The following ATXN7 variants were observed in gnomAD, a reference collection of about 807,000 sequenced individuals.
The protein encoded by ATXN7 is ataxin-7.
In ATXN7, 12 loss-of-function variants were observed where a neutral mutation model predicts 70.5. The ratio of observed to expected loss-of-function variants is 0.17; its 90% CI spans 0.11 to 0.28. The LOEUF is 0.28. Ranked by LOEUF, ATXN7 falls within the 10% of genes least tolerant of loss-of-function variation. The probability of loss-of-function intolerance (pLI) is 1.00; values close to 1 mark genes in which losing one functional copy is unlikely to be tolerated. For missense variants in ATXN7, 1,256 were observed against 1,131.7 expected (o/e 1.11, Z -1.58); for synonymous variants, 498 against 448.7 (o/e 1.11, Z -1.39).
chr3:63,918,858 C>T (rs115316562), intron 4 of ATXN7, among the ~76,000 whole-genome samples: 1,758 of 152,298 alleles, frequency 0.012, 22 homozygotes, highest in Non-Finnish European at 0.018. Context: ...CATTAATGCA[C>T]ATGTAAGGAG....
At chr3:63,922,687 T>A (rs1267300255) in intron 4 of ATXN7, among the ~76,000 whole-genome samples, 1 of 152,124 alleles carries the variant, frequency 6.6e-6, no homozygotes, top group Admixed American at 6.5e-5. Flanking sequence ...TCATGGGGGT[T>A]TTCTGCCTGT....
chr3:63,924,775 G>A (rs2107325033), intron 4 of ATXN7, among the ~76,000 whole-genome samples: 1 of 152,238 alleles, frequency 6.6e-6, no homozygotes, highest in South Asian at 2.1e-4. Flanking sequence ...AGTGGAGAGG[G>A]CAAGTATGGA....
At position 63,990,782 on chromosome 3, in the gene ATXN7, G is replaced by T; in HGVS notation, c.1605G>T (p.Val535=). The part of the protein sequence containing the change: ...GSRQIGRGYY[V]FDSRWNRLRC... ...GGCAGATAGGAAGAGGCTATTACGT[G>T]TTTGACTCCAGGTGGAATCGACTTC... Residue 535 remains valine (V), a synonymous_variant, in exon 11 of 13, where the codon GTG becomes GTT. Transcript: ENST00000674280. 6.2e-7 allele frequency: 1 copy of T among 1,614,198 alleles called. No homozygotes were observed.
intron 4 of ATXN7, among the ~76,000 whole-genome samples, chr3:63,925,978 G>A (rs1413416864): frequency 1.3e-5 from 2 of 152,160 alleles, no homozygotes; most frequent in Non-Finnish European, 2.9e-5. Context: ...ATTGGTGGTA[G>A]CTAAAGTTAA....
Position 63,964,737 on chromosome 3 carries a change from A to G in ATXN7, c.499+12254A>G, listed in dbSNP as rs1323220863. ...ATGAGCTCTGGATAATAACATAGCA[A>G]CATTTCTAGGTGAAGCTAATCTGAT... On this transcript the variant is annotated intron_variant, in intron 5 of 12. Transcript: ENST00000674280. 3.9e-5 allele frequency among the ~76,000 whole-genome samples: 6 copies of G among 152,298 alleles called. No individual in the cohort carries two copies. The East Asian group carries it at 1.2e-3, about 29-fold the overall frequency.
intron 4 of ATXN7, among the ~76,000 whole-genome samples, chr3:63,935,954 C>T (rs1424919539): frequency 2.0e-5 from 3 of 152,144 alleles, no homozygotes; most frequent in Non-Finnish European, 2.9e-5. Flanking sequence ...GCAAATTGTA[C>T]TATATGCTGT....
intron 9 of ATXN7, 92 bp downstream of exon 9, chr3:63,988,416 A>G: frequency 6.7e-7 from 1 of 1,500,504 alleles, no homozygotes; most frequent in Non-Finnish European, 9.1e-7. Context: ...GTTGAGAAAC[A>G]TATCTCAGGC....
chr3:63,878,958 G>T (rs964163825), intron 1 of ATXN7, among the ~76,000 whole-genome samples: 11 of 152,192 alleles, frequency 7.2e-5, no homozygotes, highest in African/African-American at 2.4e-4. Context: ...TGGCCAGCAG[G>T]TGAATCTATG....
intron 1 of ATXN7, among the ~76,000 whole-genome samples, chr3:63,897,989 G>A (rs1465026979): frequency 6.6e-6 from 1 of 152,114 alleles, no homozygotes; most frequent in Non-Finnish European, 1.5e-5. Flanking sequence ...GATAAAGAAC[G>A]ACAGCTTGAG....
In ATXN7 at chr3:63,995,647, A is replaced by T. The variant is rs2075745200; in HGVS notation, c.1825A>T (p.Thr609Ser). The part of the protein sequence containing the change: ...VSTSPVLLSS[T>S]CISPNSKSVP... Reference sequence around the variant, plus strand: ...TACATCCCCAGTCCTGCTCTCATCTACCTGCATCTCCCCAAATAGCAAATC... The same window carrying T: ...TACATCCCCAGTCCTGCTCTCATCTTCCTGCATCTCCCCAAATAGCAAATC... The change falls in exon 12 of 13, where the codon ACC becomes TCC. Residue 609 changes from threonine to serine, a missense_variant. Thr to Ser is a moderately conservative substitution (Grantham distance 58). Transcript: ENST00000674280. 1 of 1,614,018 alleles carries T rather than the reference A, an allele frequency of 6.2e-7. No homozygotes were observed. The highest frequency in any genetic ancestry group is 1.3e-5 in the African/African-American group (1 of 74,892).
At position 63,993,742 on chromosome 3, in the gene ATXN7, C is replaced by T. The variant is rs528301034; in HGVS notation, c.1683-1763C>T. On this transcript the variant is annotated intron_variant, in intron 11 of 12. Coordinates refer to ENST00000674280, the MANE Select transcript of ATXN7 (RefSeq NM_001377405.1). Reference sequence around the variant, plus strand: ...CCCTGCTCTAGAAGGCTTTTCCTTTCCTCGAGATTTGGTTCCAGGCAGCCT... The same window carrying T: ...CCCTGCTCTAGAAGGCTTTTCCTTTTCTCGAGATTTGGTTCCAGGCAGCCT... 2.2e-4 allele frequency among the ~76,000 whole-genome samples: 34 copies of T among 152,310 alleles called. No homozygotes were observed. The East Asian group carries it at 5.2e-3, about 23-fold the overall frequency.
chr3:63,953,195 C>T (rs984695002), intron 5 of ATXN7, among the ~76,000 whole-genome samples: 1 of 152,076 alleles, frequency 6.6e-6, no homozygotes, highest in Non-Finnish European at 1.5e-5. Flanking sequence ...ACTACAAATG[C>T]AAGCTTGCAA....
intron 1 of ATXN7, among the ~76,000 whole-genome samples, chr3:63,887,814 C>A (rs991196294): frequency 1.3e-5 from 2 of 151,398 alleles, no homozygotes; most frequent in Non-Finnish European, 1.5e-5. Flanking sequence ...CTCAAACGAT[C>A]CACCTGCCTC....
At chr3:63,948,326 G>C (rs980129234) in intron 4 of ATXN7, among the ~76,000 whole-genome samples, 1 of 152,184 alleles carries the variant, frequency 6.6e-6, no homozygotes, top group African/African-American at 2.4e-5. Context: ...CCAAAATGGG[G>C]AAGGTTGTTG....
intron 8 of ATXN7, among the ~76,000 whole-genome samples, chr3:63,985,644 C>T (rs2075565421): frequency 6.6e-6 from 1 of 152,184 alleles, no homozygotes; most frequent in Non-Finnish European, 1.5e-5. Context: ...GGATTTGCTG[C>T]TGTTCATTCC....
rs140769669 is a variant in ATXN7, at chr3:63,896,539, G to A, written c.-110-1860G>A. Among the ~76,000 whole-genome samples, 600 of 152,286 alleles carry A rather than the reference G, an allele frequency of 3.9e-3. 2 individuals carry two copies. The highest frequency in any genetic ancestry group is 0.014 in the African/African-American group (583 of 41,562). On this transcript the variant is annotated intron_variant, in intron 1 of 12. Transcript: ENST00000674280. ...CCACTTGTTGGCTAGGTAATCTTGA[G>A]CAAATTATGACCTTCCTCAATCTGT...
chr3:63,958,754 G>T (rs1267684416), intron 5 of ATXN7, among the ~76,000 whole-genome samples: 1 of 152,084 alleles, frequency 6.6e-6, no homozygotes, highest in East Asian at 1.9e-4. Flanking sequence ...ATTTTTGCAT[G>T]TATTATCTTA....
chr3:63,985,494 T>G (rs1424428338), intron 8 of ATXN7, among the ~76,000 whole-genome samples: 2 of 152,232 alleles, frequency 1.3e-5, no homozygotes, highest in Non-Finnish European at 2.9e-5. Flanking sequence ...TCCTTTTCCT[T>G]GCCTTCACGT....
At chr3:63,978,937 A>T (rs2075436754) in intron 5 of ATXN7, among the ~76,000 whole-genome samples, 1 of 152,252 alleles carries the variant, frequency 6.6e-6, no homozygotes, top group Non-Finnish European at 1.5e-5. Context: ...TAGCTCCTGT[A>T]TTGTGATAAG....
Sources: gnomAD v4.1 joint callset for allele counts (sites outside exome capture counted in the v4.1 genomes callset) on GRCh38, gnomAD v4.1.1 for gene constraint, MANE v1.5 for transcripts, NCBI Gene and HGNC (gene_info 2026-07-23, HGNC 2026-07-21) for gene names.